PCDHGA2: variants seen among roughly 807,000 people sequenced by gnomAD.
PCDHGA2 encodes the protein protocadherin gamma subfamily A, 2.
PCDHGA2 carries 40 observed loss-of-function variants against 59.2 expected under a neutral mutation model. That is an observed-to-expected ratio of 0.68 (90% CI 0.52 to 0.88). PCDHGA2 has a LOEUF of 0.88. Ranked by LOEUF, PCDHGA2 falls within the 40% of genes least tolerant of loss-of-function variation. The pLI, the probability that PCDHGA2 is intolerant of heterozygous loss-of-function variation, is 0.00. For synonymous variants in PCDHGA2, 560 were observed against 526.0 expected (o/e 1.06, Z -0.89); for missense variants, 1,226 against 1,204.0 (o/e 1.02, Z -0.27).
chr5:141,510,526 A>T (rs1164238062), intron 3 of PCDHGA2, among the ~76,000 whole-genome samples: 1 of 152,156 alleles, frequency 6.6e-6, no homozygotes, highest in East Asian at 1.9e-4. Flanking sequence ...CAGCCCTGAG[A>T]GAAATACCAG....
intron 3 of PCDHGA2, among the ~76,000 whole-genome samples, chr5:141,510,511 T>C (rs2099881465): frequency 6.6e-6 from 1 of 152,142 alleles, no homozygotes; most frequent in Non-Finnish European, 1.5e-5. Context: ...TGAGAGCCCG[T>C]GTCACAGCCC....
chr5:141,428,204 C>G, intron 1 of PCDHGA2: 2 of 1,324,722 alleles, frequency 1.5e-6, no homozygotes, highest in Non-Finnish European at 1.1e-6. Context: ...TGCGCCGCTA[C>G]GCTTCACCTA....
chr5:141,347,451 G>A (rs961019414), intron 1 of PCDHGA2, among the ~76,000 whole-genome samples: 1 of 151,988 alleles, frequency 6.6e-6, no homozygotes, highest in African/African-American at 2.4e-5. Context: ...CACCATGCCT[G>A]GCCTGTTATT....
intron 1 of PCDHGA2, chr5:141,362,503 A>C: frequency 6.2e-7 from 1 of 1,614,050 alleles, no homozygotes; most frequent in South Asian, 1.1e-5. Context: ...TTGGGAACAA[A>C]ATACAAATCA....
rs1372113910 is a variant in PCDHGA2, at chr5:141,384,481, C to T, written c.2424+43086C>T. On this transcript the variant is annotated intron_variant, in intron 1 of 3. Coordinates refer to ENST00000394576, the MANE Select transcript of PCDHGA2 (RefSeq NM_018915.4). ...CTTTGATTATGAGCAGTTGAGAGAA[C>T]TACAACTAAGAGTGACTGCACATGA... 1.9e-6 allele frequency: 3 copies of T among 1,614,022 alleles called. No homozygotes were observed. The Admixed American group carries it at 5.0e-5, about 27-fold the overall frequency.
At position 141,385,228 on chromosome 5, in the gene PCDHGA2, GAC is replaced by G. The variant is rs1361009837; in HGVS notation, c.2424+43835_2424+43836del. 9 of 1,614,224 alleles carry G rather than the reference GAC, an allele frequency of 5.6e-6. No individual in the cohort carries two copies. The South Asian group carries it at 8.8e-5, about 16-fold the overall frequency. On this transcript the variant is annotated intron_variant, in intron 1 of 3. Transcript: ENST00000394576. ...GATCTTCCCCCAGCCCAACTATGTAGACATGCTCATCAGCCAGGAGAGCTGTG... is the reference window on the plus strand; with the variant it reads ...GATCTTCCCCCAGCCCAACTATGTAGATGCTCATCAGCCAGGAGAGCTGTG...
At chr5:141,399,957 C>T in intron 1 of PCDHGA2, 5 of 1,612,212 alleles carry the variant, frequency 3.1e-6, no homozygotes, top group South Asian at 1.1e-5. Flanking sequence ...CTAGCGAGCC[C>T]GGGCTCTTCA....
At chr5:141,456,701 G>C (rs370086323) in intron 1 of PCDHGA2, among the ~76,000 whole-genome samples, 1 of 151,988 alleles carries the variant, frequency 6.6e-6, no homozygotes. Flanking sequence ...GTGGTGGCTC[G>C]CGCCTGTAAT....
rs368311567 is a variant in PCDHGA2 at position 141,341,366 on chromosome 5, G to T, written c.2395G>T (p.Glu799Ter). 67 of 1,614,216 alleles carry T rather than the reference G, an allele frequency of 4.2e-5. No homozygotes were observed. In the African/African-American group the frequency reaches 8.3e-4, roughly 20 times the overall value. ...TTTATCAGCGCCTCAATCTCTACTC[G>T]AAGAAGAAAGAGAAGAAACGTTTTC... ...DFLSAPQSLL[E>*]EEREETFSQQ... Residue 799 changes from glutamate (E) to a stop codon, truncating the protein, a stop_gained, in exon 1 of 4, where the codon GAA becomes TAA. Coordinates refer to ENST00000394576, the MANE Select transcript of PCDHGA2 (RefSeq NM_018915.4). LOFTEE classifies it high-confidence loss of function.
At chr5:141,458,730 C>T (rs1239174331) in intron 1 of PCDHGA2, among the ~76,000 whole-genome samples, 1 of 151,928 alleles carries the variant, frequency 6.6e-6, no homozygotes, top group Non-Finnish European at 1.5e-5. Flanking sequence ...CCACCACATC[C>T]AGCTATTGGT....
At chr5:141,428,044 C>A in intron 1 of PCDHGA2, 1 of 1,608,790 alleles carries the variant, frequency 6.2e-7, no homozygotes, top group Non-Finnish European at 8.5e-7. Context: ...TACCTGGTGA[C>A]CAAGGTGGTG....
intron 2 of PCDHGA2, among the ~76,000 whole-genome samples, chr5:141,503,269 C>T (rs1161751693): frequency 6.6e-6 from 1 of 152,116 alleles, no homozygotes; most frequent in Non-Finnish European, 1.5e-5. Flanking sequence ...ACCCCAGCAC[C>T]TGGCTCTGTG....
At chr5:141,346,028 C>T (rs1284650438) in intron 1 of PCDHGA2, 4 of 1,613,330 alleles carry the variant, frequency 2.5e-6, no homozygotes, top group South Asian at 2.2e-5. Context: ...TGGCCGTGGC[C>T]GACAGGATCC....
chr5:141,390,532 T>A, intron 1 of PCDHGA2: 1 of 531,632 alleles, frequency 1.9e-6, no homozygotes, highest in Non-Finnish European at 3.3e-6. Flanking sequence ...GGTGTGGTTT[T>A]AACCACAAAG....
At chr5:141,353,808 C>T (rs1312387041) in intron 1 of PCDHGA2, among the ~76,000 whole-genome samples, 2 of 152,184 alleles carry the variant, frequency 1.3e-5, no homozygotes, top group Non-Finnish European at 2.9e-5. Context: ...TATTTCACCT[C>T]TCAATCATCC....
chr5:141,399,794 C>G, intron 1 of PCDHGA2: 1 of 1,613,268 alleles, frequency 6.2e-7, no homozygotes, highest in South Asian at 1.1e-5. Flanking sequence ...GACAACGCAC[C>G]GCGGGTGCTG....
rs200790843 is a variant in PCDHGA2 at position 141,432,196 on chromosome 5, C to A, written c.2425-62611C>A. ...TCGTCTCTGTGACCGCCCACGACCCCGACTGTGAAGAGAACGCCCAGATCA... is the reference window on the plus strand; with the variant it reads ...TCGTCTCTGTGACCGCCCACGACCCAGACTGTGAAGAGAACGCCCAGATCA... On this transcript the variant is annotated intron_variant, in intron 1 of 3. Coordinates refer to ENST00000394576, the MANE Select transcript of PCDHGA2 (RefSeq NM_018915.4). This position sits in a 1 kb window ranked among gnomAD's most constrained non-coding sequence, Gnocchi z 6.0. The A allele has an allele frequency of 6.2e-7, 1 of 1,614,192 alleles. No homozygotes were observed.
chr5:141,490,981 C>T lies in PCDHGA2; in HGVS notation c.2425-3826C>T. 19 of 1,614,096 alleles carry T rather than the reference C, an allele frequency of 1.2e-5. No homozygotes were observed. The highest frequency in any genetic ancestry group is 1.5e-5 in the Non-Finnish European group (18 of 1,180,018). Reference sequence around the variant, plus strand: ...ACACTCAGCCCCCCAGCGTCTCCCTCGCTCTGCTCCTCCTGGCTCCTTGGT... The same window carrying T: ...ACACTCAGCCCCCCAGCGTCTCCCTTGCTCTGCTCCTCCTGGCTCCTTGGT... On this transcript the variant is annotated intron_variant, in intron 1 of 3. Transcript: ENST00000394576. The surrounding 1 kb of genome is among the most constrained non-coding windows in gnomAD (Gnocchi z 5.4).
chr5:141,355,722 A>T, intron 1 of PCDHGA2: 1 of 1,614,040 alleles, frequency 6.2e-7, no homozygotes, highest in Non-Finnish European at 8.5e-7. Context: ...AGCTCAACTC[A>T]AACGGTTACT....
Sources: allele counts gnomAD v4.1 joint callset (sites outside exome capture counted in the v4.1 genomes callset), GRCh38; gene constraint gnomAD v4.1.1; non-coding constraint Gnocchi (gnomAD v3.1); transcripts MANE v1.5; gene names NCBI Gene and HGNC (gene_info 2026-07-23, HGNC 2026-07-21).